MACF1: variants seen among roughly 807,000 people sequenced by gnomAD.
MACF1 encodes microtubule-actin cross-linking factor 1.
Under a neutral mutation model 854.8 loss-of-function variants are expected in MACF1, and 193 were observed. That is an observed-to-expected ratio of 0.23 (90% CI 0.20 to 0.25). MACF1 has a LOEUF of 0.25. Among genes scored for constraint, MACF1 ranks in the 10% least tolerant of loss-of-function variants. The pLI is 1.00. For missense variants in MACF1, 7,722 were observed against 8,929.1 expected (o/e 0.86, Z 5.45); for synonymous variants, 3,185 against 3,226.7 (o/e 0.99, Z 0.44).
At chr1:39,152,561 C>G (rs1006779706) in intron 2 of MACF1, among the ~76,000 whole-genome samples, 12 of 152,282 alleles carry the variant, frequency 7.9e-5, no homozygotes, top group African/African-American at 2.9e-4. Context: ...TTAGCACTTC[C>G]TCAACATTGT....
intron 2 of MACF1, among the ~76,000 whole-genome samples, chr1:39,085,222 A>G (rs1641641688): frequency 6.6e-6 from 1 of 152,236 alleles, no homozygotes; most frequent in Admixed American, 6.5e-5. Context: ...CCCACTGTGC[A>G]GGGATGCCTT....
chr1:39,309,830 C>G (rs768274595), intron 24 of MACF1, 134 bp downstream of exon 24: 1 of 893,910 alleles, frequency 1.1e-6, no homozygotes, highest in Non-Finnish European at 1.7e-6. Flanking sequence ...TTTTAGAGTT[C>G]GAGACCTGAG....
Position 39,300,346 on chromosome 1 carries a change from A to C in MACF1, c.2618A>C (p.Asp873Ala), listed in dbSNP as rs748758961. Residue 873 changes from aspartate (D) to alanine (A), a missense_variant, in exon 22 of 101, where the codon GAC becomes GCC. Transcript: ENST00000564288. ...KNTISVKAVC[D>A]YRQIEITICK... is the part of the protein sequence containing the mutation. ...ACCATTTCTGTCAAGGCTGTCTGTG[A>C]CTACAGGCAGATCGAGGTGAGGAGG... 2 of 1,613,986 alleles carry C rather than the reference A, an allele frequency of 1.2e-6. No homozygotes were observed. Among genetic ancestry groups the C allele is most frequent in the South Asian group, 2.2e-5 (2 of 91,030 alleles).
At chr1:39,456,406 T>A (rs1163265937) in intron 89 of MACF1, among the ~76,000 whole-genome samples, 1 of 152,202 alleles carries the variant, frequency 6.6e-6, no homozygotes, top group Non-Finnish European at 1.5e-5. Context: ...AACACTTTAT[T>A]ATAAAATAGG....
rs560718441 is a variant in MACF1, at chr1:39,287,481, A to C, written c.1704A>C (p.Glu568Asp). ...SWFRKPMTRA[E>D]LVAISSSEDE... Reference sequence around the variant, plus strand: ...TCCGAAAGCCTATGACTCGGGCTGAACTTGTGGCCATCAGCTCCTCTGAAG... The same window carrying C: ...TCCGAAAGCCTATGACTCGGGCTGACCTTGTGGCCATCAGCTCCTCTGAAG... Residue 568 changes from glutamate to aspartate, a missense_variant, in exon 15 of 101, where the codon GAA becomes GAC. Glu to Asp is a conservative substitution (Grantham distance 45). This residue lies in a region of MACF1 where 1,137 missense variants were observed against 1,263.0 expected (regional missense o/e 0.90). Coordinates refer to ENST00000564288, the MANE Select transcript of MACF1 (RefSeq NM_001394062.1). The C allele has an allele frequency of 3.0e-5, 48 of 1,614,176 alleles. No individual in the cohort carries two copies. The East Asian group carries it at 7.4e-4, about 25-fold the overall frequency.
intron 93 of MACF1, among the ~76,000 whole-genome samples, chr1:39,463,293 C>T (rs1330415048): frequency 2.0e-5 from 3 of 152,060 alleles, no homozygotes; most frequent in Non-Finnish European, 2.9e-5. Context: ...TCAAGGCCAG[C>T]CTGACCAACA....
At position 39,176,227 on chromosome 1, in the gene MACF1, G is replaced by A. The variant is rs577469645; in HGVS notation, c.221-54955G>A. On this transcript the variant is annotated intron_variant, in intron 2 of 93. Coordinates refer to the MACF1 transcript ENST00000361689. Reference sequence around the variant, plus strand: ...CGGGAGACCCAGGTTGCAGTGAGCCGAGATCACACCTCTGCACTCCAGTCT... The same window carrying A: ...CGGGAGACCCAGGTTGCAGTGAGCCAAGATCACACCTCTGCACTCCAGTCT... 6.1e-5 allele frequency among the ~76,000 whole-genome samples: 9 copies of A among 148,432 alleles called. No individual in the cohort carries two copies. The East Asian group carries it at 1.4e-3, about 23-fold the overall frequency.
rs573097400 is a variant in MACF1, at chr1:39,311,094, A to G, written c.3270+94A>G. On this transcript the variant is annotated intron_variant, in intron 26 of 100. Transcript: ENST00000564288. ...AGTATGGCACCTAAGAAATGAGGCA[A>G]TAGACTCAAGACAGTCCTTCTCAGG... is the stretch of plus-strand genomic sequence containing the variant. The G allele has an allele frequency of 2.2e-4, 309 of 1,383,816 alleles. 2 individuals are homozygous for G. In the African/African-American group the frequency reaches 4.2e-3, roughly 19 times the overall value. The allele number at this position is 1,383,816 out of a possible 1,614,324, so 85.7% of individuals were successfully genotyped here.
chr1:39,214,134 C>T (rs1385559541), intron 1 of MACF1, among the ~76,000 whole-genome samples: 1 of 152,124 alleles, frequency 6.6e-6, no homozygotes, highest in Non-Finnish European at 1.5e-5. Flanking sequence ...GCAGCATTAG[C>T]CTGAAGAAGT....
chr1:39,225,649 T>C (rs1644708348), intron 1 of MACF1, among the ~76,000 whole-genome samples: 1 of 152,072 alleles, frequency 6.6e-6, no homozygotes, highest in Non-Finnish European at 1.5e-5. Context: ...TGGTGGGGAG[T>C]GGGCTCTCTC....
intron 58 of MACF1, chr1:39,413,767 G>A (rs780912418): frequency 6.2e-7 from 1 of 1,611,108 alleles, no homozygotes. Context: ...CACCCCCGAG[G>A]AATCTGCCTC....
At chr1:39,315,713 G>T in intron 27 of MACF1, 22 bp downstream of exon 27, 1 of 1,608,822 alleles carries the variant, frequency 6.2e-7, no homozygotes, top group South Asian at 1.1e-5. Flanking sequence ...GAGGTTTTGG[G>T]TCCAAGAGCA....
intron 64 of MACF1, 37 bp from the exon 65 acceptor site, chr1:39,429,790 C>A (rs181851990): frequency 1.1e-4 from 172 of 1,605,044 alleles, no homozygotes; most frequent in Non-Finnish European, 1.4e-4. Context: ...ATTCCTAGGT[C>A]TCTTAAATAT....
At chr1:39,271,032 A>C (rs1004449710) in intron 6 of MACF1, among the ~76,000 whole-genome samples, 3 of 152,210 alleles carry the variant, frequency 2.0e-5, no homozygotes, top group African/African-American at 7.2e-5. Context: ...GCCTCATATA[A>C]ACATGGATAT....
chr1:39,163,873 A>T (rs1643855565), intron 2 of MACF1, among the ~76,000 whole-genome samples: 1 of 152,214 alleles, frequency 6.6e-6, no homozygotes, highest in South Asian at 2.1e-4. Flanking sequence ...ATGATGGACT[A>T]CATTGTCCTT....
intron 34 of MACF1, 141 bp downstream of exon 34, chr1:39,324,486 T>G (rs1459102903): frequency 4.3e-6 from 5 of 1,152,872 alleles, no homozygotes; most frequent in African/African-American, 3.1e-5. Flanking sequence ...AGAAGCCATC[T>G]TGTTTGTTCT....
chr1:39,187,701 G>T (rs1644190493), intron 2 of MACF1, among the ~76,000 whole-genome samples: 1 of 152,122 alleles, frequency 6.6e-6, no homozygotes, highest in African/African-American at 2.4e-5. Flanking sequence ...CTTTCTAGCA[G>T]ATTTTTTAAA....
In MACF1 at chr1:39,323,015, A is replaced by G; in HGVS notation, c.4236+7A>G. 1 of 1,613,422 alleles carries G rather than the reference A, an allele frequency of 6.2e-7. No individual in the cohort carries two copies. Among genetic ancestry groups the G allele is most frequent in the Non-Finnish European group, 8.5e-7 (1 of 1,179,406 alleles). On this transcript the variant is annotated splice_region_variant and intron_variant, in intron 33 of 100. Coordinates refer to ENST00000564288, the MANE Select transcript of MACF1 (RefSeq NM_001394062.1). ...GCGTCTGGAGGAGGAGGAGGTGAGG[A>G]CAGTTGGGTCCAAAGTCATCTTGAA...
At chr1:39,337,073 A>T in intron 37 of MACF1, 109 bp from the exon 38 acceptor site, 1 of 936,004 alleles carries the variant, frequency 1.1e-6, no homozygotes, top group Non-Finnish European at 1.6e-6. Flanking sequence ...ATCCCACTCT[A>T]TGTGCAGTAA....
Sources: allele counts gnomAD v4.1 joint callset (sites outside exome capture counted in the v4.1 genomes callset), GRCh38; gene constraint gnomAD v4.1.1; regional missense constraint gnomAD v4.1.1; transcripts MANE v1.5; gene names NCBI Gene and HGNC (gene_info 2026-07-23, HGNC 2026-07-21).